KCNQ5: variants seen among roughly 807,000 people sequenced by gnomAD.
KCNQ5 encodes potassium voltage-gated channel subfamily KQT member 5.
Under a neutral mutation model 98.2 loss-of-function variants are expected in KCNQ5, and 30 were observed. That is an observed-to-expected ratio of 0.31 (90% CI 0.23 to 0.41). KCNQ5 has a LOEUF of 0.41. Ranked by LOEUF, KCNQ5 falls within the 10% of genes least tolerant of loss-of-function variation. The pLI is 1.00. For missense variants in KCNQ5, 835 were observed against 1,182.5 expected, an observed-to-expected ratio of 0.71 and a Z score of 4.31; for synonymous variants, 458 against 449.4, an observed-to-expected ratio of 1.02 and a Z score of -0.24.
chr6:72,702,457 A>C (rs1768861745), intron 1 of KCNQ5, among the ~76,000 whole-genome samples: 1 of 152,206 alleles, frequency 6.6e-6, no homozygotes, highest in Admixed American at 6.5e-5. Context: ...TTTAGGAAAC[A>C]GGTAATTTTT....
chr6:72,641,596 G>T lies in KCNQ5; in HGVS notation c.398+19009G>T, dbSNP rs149785606. On this transcript the variant is annotated intron_variant, in intron 1 of 13. Coordinates refer to ENST00000370398, the MANE Select transcript of KCNQ5 (RefSeq NM_019842.4). ...TTCAGCTTTGCAAGCACACTATTTTGTGTGTGTGTGTGTGAGAGAGAGAAA... is the reference window on the plus strand; with the variant it reads ...TTCAGCTTTGCAAGCACACTATTTTTTGTGTGTGTGTGTGAGAGAGAGAAA... 9.2e-3 allele frequency among the ~76,000 whole-genome samples: 1,401 copies of T among 151,718 alleles called. 11 individuals are homozygous for T. The highest frequency in any genetic ancestry group is 0.021 in the East Asian group (106 of 5,150).
intron 3 of KCNQ5, among the ~76,000 whole-genome samples, chr6:73,049,509 G>A (rs1772117531): frequency 6.6e-6 from 1 of 152,152 alleles, no homozygotes; most frequent in South Asian, 2.1e-4. Flanking sequence ...TAGCATGCTG[G>A]CCTCCCAATA....
At chr6:72,638,653 C>A (rs1303362940) in intron 1 of KCNQ5, among the ~76,000 whole-genome samples, 1 of 150,570 alleles carries the variant, frequency 6.6e-6, no homozygotes, top group East Asian at 1.9e-4. Flanking sequence ...TTTTTGGTTT[C>A]TTGTTGATTC....
chr6:72,924,481 A>T (rs958252279), intron 1 of KCNQ5, among the ~76,000 whole-genome samples: 1 of 152,194 alleles, frequency 6.6e-6, no homozygotes, highest in Non-Finnish European at 1.5e-5. Flanking sequence ...CGCCATCCGC[A>T]TCCTAGTTGT....
chr6:72,634,245 A>C (rs978844943), intron 1 of KCNQ5, among the ~76,000 whole-genome samples: 19 of 152,188 alleles, frequency 1.2e-4, no homozygotes, highest in African/African-American at 4.3e-4. Context: ...AGAATCAAGG[A>C]ATTACTTTTA....
chr6:73,116,196 A>ATAT (rs1775483008), intron 7 of KCNQ5, among the ~76,000 whole-genome samples: 5 of 152,228 alleles, frequency 3.3e-5, no homozygotes, highest in Non-Finnish European at 5.9e-5. Context: ...CATTGTCATA[A>ATAT]TAATATTAAA....
chr6:73,138,351 T>C (rs1312052407), intron 10 of KCNQ5, among the ~76,000 whole-genome samples: 2 of 152,230 alleles, frequency 1.3e-5, no homozygotes, highest in African/African-American at 2.4e-5. Context: ...TTCGGATTTC[T>C]GGTGACTAGT....
intron 8 of KCNQ5, among the ~76,000 whole-genome samples, chr6:73,122,044 T>A (rs1320596825): frequency 4.6e-5 from 7 of 152,200 alleles, no homozygotes; most frequent in Non-Finnish European, 8.8e-5. Context: ...TTCATTTAGA[T>A]CTTGAAGTTT....
chr6:72,848,392 T>TC (rs1462295723), intron 1 of KCNQ5, among the ~76,000 whole-genome samples: 1 of 152,110 alleles, frequency 6.6e-6, no homozygotes, highest in Admixed American at 6.6e-5. Context: ...TATGTGTTGT[T>TC]CCCCTTAATA....
At chr6:72,995,504 A>G (rs1438758470) in intron 1 of KCNQ5, among the ~76,000 whole-genome samples, 1 of 152,156 alleles carries the variant, frequency 6.6e-6, no homozygotes. Context: ...CATCAGGGGA[A>G]TAGAGTAGAT....
chr6:72,853,382 T>TG (rs1414909363), intron 1 of KCNQ5, among the ~76,000 whole-genome samples: 2 of 152,116 alleles, frequency 1.3e-5, no homozygotes, highest in Non-Finnish European at 2.9e-5. Flanking sequence ...CTCCTTCTGT[T>TG]GCCCAGGCTG....
chr6:72,995,619 T>C (rs1330235961), intron 1 of KCNQ5, among the ~76,000 whole-genome samples: 1 of 152,124 alleles, frequency 6.6e-6, no homozygotes, highest in East Asian at 1.9e-4. Flanking sequence ...AAGAGGTACC[T>C]GATAGGGGTG....
intron 1 of KCNQ5, among the ~76,000 whole-genome samples, chr6:72,795,434 T>C (rs1774278101): frequency 1.3e-5 from 2 of 152,212 alleles, no homozygotes; most frequent in South Asian, 4.1e-4. Context: ...TATAGTAACA[T>C]AAATTTTAAT....
chr6:73,188,712 C>G (rs144300640), intron 11 of KCNQ5, among the ~76,000 whole-genome samples: 1 of 152,088 alleles, frequency 6.6e-6, no homozygotes, highest in Non-Finnish European at 1.5e-5. Context: ...AGGCCGGGCG[C>G]GGTGGCTCAC....
chr6:73,047,307 A>G (rs901405217), intron 3 of KCNQ5, among the ~76,000 whole-genome samples: 1 of 152,176 alleles, frequency 6.6e-6, no homozygotes, highest in Non-Finnish European at 1.5e-5. Flanking sequence ...CTGCTCTCTA[A>G]CCTGAATGGG....
intron 1 of KCNQ5, among the ~76,000 whole-genome samples, chr6:72,629,402 TCA>T (rs10578564): frequency 0.4 from 60,592 of 151,866 alleles, 12,967 homozygotes; most frequent in Middle Eastern, 0.5. Flanking sequence ...ACTCTTCTAA[TCA>T]GTCTTTAGAA....
At chr6:73,173,334 A>T (rs1466545690) in intron 11 of KCNQ5, among the ~76,000 whole-genome samples, 1 of 152,136 alleles carries the variant, frequency 6.6e-6, no homozygotes, top group Non-Finnish European at 1.5e-5. Context: ...CTTTTTATCC[A>T]CTCATAGAAA....
intron 1 of KCNQ5, among the ~76,000 whole-genome samples, chr6:72,827,299 A>C (rs1310444586): frequency 6.6e-6 from 1 of 152,162 alleles, no homozygotes; most frequent in Admixed American, 6.5e-5. Flanking sequence ...AGAAACCTCC[A>C]TACTGTTCTC....
intron 1 of KCNQ5, among the ~76,000 whole-genome samples, chr6:72,747,285 C>G (rs1323927831): frequency 6.6e-6 from 1 of 152,036 alleles, no homozygotes; most frequent in Non-Finnish European, 1.5e-5. Flanking sequence ...CTACTTAGAC[C>G]TGCTGTGATA....
Sources: allele counts gnomAD v4.1 joint callset (sites outside exome capture counted in the v4.1 genomes callset), GRCh38; gene constraint gnomAD v4.1.1; transcripts MANE v1.5; gene names NCBI Gene and HGNC (gene_info 2026-07-23, HGNC 2026-07-21).